Variants in MND1 observed in about 807,000 individuals in gnomAD.
MND1 encodes the protein meiotic nuclear division protein 1 homolog.
In MND1, 28 loss-of-function variants were observed where a neutral mutation model predicts 35.1. The observed-to-expected ratio is 0.80, with a 90% CI of 0.59 to 1.09. MND1 has a LOEUF of 1.09. Ranked by LOEUF, MND1 falls within the 50% of genes least tolerant of loss-of-function variation. The pLI, the probability that MND1 is intolerant of heterozygous loss-of-function variation, is 0.00. For synonymous variants in MND1, 69 were observed against 70.5 expected, an observed-to-expected ratio of 0.98 and a Z score of 0.11; for missense variants, 213 against 239.6, an observed-to-expected ratio of 0.89 and a Z score of 0.73.
intron 1 of MND1, among the ~76,000 whole-genome samples, chr4:153,347,839 T>G (rs1773110901): frequency 6.6e-6 from 1 of 152,116 alleles, no homozygotes; most frequent in South Asian, 2.1e-4. Flanking sequence ...GTATTACAAG[T>G]TGCTTAGGTC....
intron 2 of MND1, among the ~76,000 whole-genome samples, chr4:153,350,370 T>C (rs1308016914): frequency 6.6e-6 from 1 of 152,214 alleles, no homozygotes; most frequent in Non-Finnish European, 1.5e-5. Flanking sequence ...AATCTTCTGA[T>C]GCATATATTT....
intron 7 of MND1, among the ~76,000 whole-genome samples, chr4:153,411,626 G>C (rs1429712448): frequency 6.6e-6 from 1 of 152,068 alleles, no homozygotes; most frequent in African/African-American, 2.4e-5. Context: ...ATCCTCCTAT[G>C]AATCAGGAAA....
chr4:153,349,175 A>G (rs1324824054), intron 1 of MND1, among the ~76,000 whole-genome samples: 1 of 147,224 alleles, frequency 6.8e-6, no homozygotes, highest in Non-Finnish European at 1.5e-5. Flanking sequence ...TTAGCTTTAT[A>G]TATTCTATGT....
chr4:153,387,711 C>G (rs1231104607), intron 4 of MND1, among the ~76,000 whole-genome samples: 1 of 152,090 alleles, frequency 6.6e-6, no homozygotes, highest in Non-Finnish European at 1.5e-5. Context: ...GATCACACCA[C>G]TACACTCCAG....
At chr4:153,361,119 A>G (rs1029195670) in intron 4 of MND1, among the ~76,000 whole-genome samples, 3 of 152,226 alleles carry the variant, frequency 2.0e-5, no homozygotes, top group African/African-American at 7.2e-5. Context: ...TGGGTGAGCC[A>G]CTGCGACCGG....
At chr4:153,398,963 G>A (rs1486773579) in intron 6 of MND1, among the ~76,000 whole-genome samples, 2 of 152,180 alleles carry the variant, frequency 1.3e-5, no homozygotes, top group Non-Finnish European at 2.9e-5. Context: ...ACCTTATCTA[G>A]AGCACCTTCT....
intron 4 of MND1, among the ~76,000 whole-genome samples, chr4:153,369,965 A>G (rs947757134): frequency 6.6e-6 from 1 of 151,984 alleles, no homozygotes; most frequent in Admixed American, 6.6e-5. Flanking sequence ...TCAAGAAACC[A>G]CTTTCTTTGC....
intron 2 of MND1, among the ~76,000 whole-genome samples, chr4:153,353,531 G>A (rs1173453267): frequency 2.0e-5 from 3 of 148,362 alleles, no homozygotes; most frequent in Non-Finnish European, 3.0e-5. Context: ...TGGGTAGCAC[G>A]CCTTTTTCAG....
intron 4 of MND1, 102 bp downstream of exon 4, chr4:153,358,724 C>T: frequency 9.1e-7 from 1 of 1,093,552 alleles, no homozygotes; most frequent in South Asian, 2.1e-5. Context: ...TTTTGATATG[C>T]ATTATTTGAC....
At chr4:153,400,580 C>T (rs1313176090) in intron 6 of MND1, among the ~76,000 whole-genome samples, 1 of 152,038 alleles carries the variant, frequency 6.6e-6, no homozygotes, top group Non-Finnish European at 1.5e-5. Context: ...AGTTTTCTTC[C>T]TCCAGTTTTA....
chr4:153,376,449 G>T (rs2149643230), intron 4 of MND1, among the ~76,000 whole-genome samples: 1 of 152,156 alleles, frequency 6.6e-6, no homozygotes, highest in Middle Eastern at 3.4e-3. Context: ...AAATAACTTG[G>T]TCTTAAGAAT....
At chr4:153,396,653 TCA>T (rs978410128) in intron 5 of MND1, among the ~76,000 whole-genome samples, 2 of 152,198 alleles carry the variant, frequency 1.3e-5, no homozygotes, top group Non-Finnish European at 2.9e-5. Flanking sequence ...TTTTATTGGA[TCA>T]TATTGTATTT....
At chr4:153,394,987 G>A (rs1270623520) in intron 5 of MND1, among the ~76,000 whole-genome samples, 2 of 152,084 alleles carry the variant, frequency 1.3e-5, no homozygotes, top group Non-Finnish European at 2.9e-5. Flanking sequence ...GAACCACTAA[G>A]CATTTCATCC....
At chr4:153,361,794 C>T (rs555587530) in intron 4 of MND1, among the ~76,000 whole-genome samples, 17 of 151,340 alleles carry the variant, frequency 1.1e-4, no homozygotes, top group Non-Finnish European at 7.4e-5. Context: ...GCCAAGATCG[C>T]GCCACTGCAC....
chr4:153,379,858 A>C (rs1410349164), intron 4 of MND1, among the ~76,000 whole-genome samples: 6 of 148,716 alleles, frequency 4.0e-5, no homozygotes, highest in African/African-American at 1.2e-4. Context: ...TCAAAAAAAA[A>C]AAAAAAAAAA....
intron 4 of MND1, among the ~76,000 whole-genome samples, chr4:153,359,851 G>A (rs138963087): frequency 0.013 from 1,936 of 143,756 alleles, 42 homozygotes; most frequent in African/African-American, 0.047. Flanking sequence ...GCAATGGTGC[G>A]ATCTCAGCTC....
intron 4 of MND1, among the ~76,000 whole-genome samples, chr4:153,366,651 A>T (rs777964853): frequency 4.6e-5 from 7 of 152,174 alleles, no homozygotes; most frequent in Non-Finnish European, 7.4e-5. Flanking sequence ...GAAGTTATAT[A>T]TTTAGAGTGT....
At chr4:153,382,488 C>G (rs1579930187) in intron 4 of MND1, among the ~76,000 whole-genome samples, 3 of 152,276 alleles carry the variant, frequency 2.0e-5, no homozygotes, top group East Asian at 1.9e-4. Flanking sequence ...TCCAAGTCCT[C>G]TTGAACCATT....
chr4:153,404,346 T>C (rs1295716915), intron 6 of MND1, among the ~76,000 whole-genome samples: 6 of 72,882 alleles, frequency 8.2e-5, no homozygotes, highest in African/African-American at 1.3e-4. Context: ...CACGCCCAGC[T>C]TTTTTTTTTT....
Sources: gnomAD v4.1 joint callset for allele counts (sites outside exome capture counted in the v4.1 genomes callset) on GRCh38, gnomAD v4.1.1 for gene constraint, MANE v1.5 for transcripts, NCBI Gene and HGNC (gene_info 2026-07-23, HGNC 2026-07-21) for gene names.